Variants in DMRTC2 observed in about 807,000 individuals in gnomAD.
DMRTC2 encodes the protein doublesex- and mab-3-related transcription factor C2.
A neutral mutation model predicts 39.9 loss-of-function variants in DMRTC2; 13 were observed. That is an observed-to-expected ratio of 0.33 (90% CI 0.21 to 0.52). The LOEUF is 0.52. DMRTC2 is among the 20% of genes least tolerant of loss of function. DMRTC2 has a pLI of 0.96. For missense variants in DMRTC2, 431 were observed against 472.8 expected (o/e 0.91, Z 0.82); for synonymous variants, 189 against 185.2 (o/e 1.02, Z -0.17).
intron 1 of DMRTC2, among the ~76,000 whole-genome samples, chr19:41,846,741 G>A (rs2123205047): frequency 6.6e-6 from 1 of 151,666 alleles, no homozygotes; most frequent in African/African-American, 2.4e-5. Flanking sequence ...CTAATTTTTT[G>A]TATTTTTAGT....
intron 4 of DMRTC2, 104 bp from the exon 5 acceptor site, chr19:41,848,691 G>C (rs372522968): frequency 6.4e-7 from 1 of 1,574,148 alleles, no homozygotes; most frequent in African/African-American, 1.3e-5. Flanking sequence ...GAAAACGAGG[G>C]CCTCCCAGCC....
At position 41,847,563 on chromosome 19, in the gene DMRTC2, C is replaced by T. The variant is rs1555836261; in HGVS notation, c.135C>T (p.Cys45=). 9 of 1,614,232 alleles carry T rather than the reference C, an allele frequency of 5.6e-6. No homozygotes were observed. The highest frequency in any genetic ancestry group is 7.6e-6 in the Non-Finnish European group (9 of 1,180,046). The change falls in exon 2 of 9, where the codon TGC becomes TGT. Residue 45 remains cysteine, a synonymous_variant. Coordinates refer to ENST00000269945, the MANE Select transcript of DMRTC2 (RefSeq NM_001040283.3). ...AISRSPTCAR[C]RNHGVTAHLK... ...GCCGCTCTCCAACCTGCGCCCGCTG[C>T]CGCAACCATGGTGTCACCGCCCATC...
chr19:41,852,269 A>C lies in DMRTC2; in HGVS notation c.*573A>C, dbSNP rs1473795623. 6.6e-6 allele frequency: 1 copy of C among 152,222 alleles called. No individual in the cohort carries two copies. The highest frequency in any genetic ancestry group is 1.5e-5 in the Non-Finnish European group (1 of 68,042). The allele number at this position is 152,222 out of a possible 1,614,324, so 9.4% of individuals were successfully genotyped here. A position where few individuals can be genotyped will look rare whatever the true frequency, so the allele number is the denominator to read the frequency against. On this transcript the variant is annotated 3_prime_UTR_variant, in exon 9 of 9. Coordinates refer to ENST00000269945, the MANE Select transcript of DMRTC2 (RefSeq NM_001040283.3). ...AAAAATCTGTTATCCAATAGCTACC[A>C]TAGATGAAAACAAACTTGGATTTTT...
Position 41,845,091 on chromosome 19 carries a change from T to C in DMRTC2, c.-15T>C, listed in dbSNP as rs1555835191. 2.0e-5 allele frequency: 3 copies of C among 152,212 alleles called. No individual in the cohort carries two copies. Among genetic ancestry groups the C allele is most frequent in the African/African-American group, 7.2e-5 (3 of 41,430 alleles). The allele number at this position is 152,212 out of a possible 1,614,324, so 9.4% of individuals were successfully genotyped here. On this transcript the variant is annotated 5_prime_UTR_variant, in exon 1 of 9. Transcript: ENST00000269945. ...TCTTCTTGACTGAATCTGACTCCATTGGAGGCTGTGGTAACCGTGAACTAG... is the reference window on the plus strand; with the variant it reads ...TCTTCTTGACTGAATCTGACTCCATCGGAGGCTGTGGTAACCGTGAACTAG...
In DMRTC2 at chr19:41,849,221, T is replaced by C; in HGVS notation, c.720T>C (p.Ser240=). 1 of 1,614,154 alleles carries C rather than the reference T, an allele frequency of 6.2e-7. No homozygotes were observed. The highest frequency in any genetic ancestry group is 8.5e-7 in the Non-Finnish European group (1 of 1,180,002). Residue 240 remains serine (S), a synonymous_variant, in exon 6 of 9, where the codon TCT becomes TCC. Transcript: ENST00000269945. ...GSHPVLTAPL[S]GEPQGPPSQP... ...ACCCAGTACTGACAGCTCCTCTTTC[T>C]GGAGAGCCCCAAGGGCCCCCTAGCC...
At position 41,849,210 on chromosome 19, in the gene DMRTC2, G is replaced by A. The variant is rs1555836795; in HGVS notation, c.709G>A (p.Ala237Thr). 1 of 1,614,056 alleles carries A rather than the reference G, an allele frequency of 6.2e-7. No homozygotes were observed. The highest frequency in any genetic ancestry group is 1.3e-5 in the African/African-American group (1 of 74,916). The change falls in exon 6 of 9, where the codon GCT becomes ACT. Residue 237 changes from alanine to threonine, a missense_variant. By Grantham distance (58) the Ala-to-Thr change is moderately conservative. Coordinates refer to ENST00000269945, the MANE Select transcript of DMRTC2 (RefSeq NM_001040283.3). Reference sequence around the variant, plus strand: ...CCCAGGATCTCACCCAGTACTGACAGCTCCTCTTTCTGGAGAGCCCCAAGG... The same window carrying A: ...CCCAGGATCTCACCCAGTACTGACAACTCCTCTTTCTGGAGAGCCCCAAGG... ...TCPGSHPVLT[A>T]PLSGEPQGPP...
In DMRTC2 at chr19:41,849,264, G is replaced by A. The variant is rs1232210374; in HGVS notation, c.755+8G>A. The A allele has an allele frequency of 6.2e-7, 1 of 1,613,460 alleles. No homozygotes were observed. Among genetic ancestry groups the A allele is most frequent in the Non-Finnish European group, 8.5e-7 (1 of 1,179,768 alleles). On this transcript the variant is annotated splice_region_variant and intron_variant, in intron 6 of 8. Transcript: ENST00000269945. ...CCCTAGCCAGCCCCGCACGTGAGTA[G>A]GGAGAGAAGGATGTGTATCATAAGC...
At position 41,851,667 on chromosome 19, in the gene DMRTC2, C is replaced by G; in HGVS notation, c.1075C>G (p.Arg359Gly). ...PAPSVALHIG[R>G]LGSISLLS is the part of the protein sequence containing the mutation. Reference sequence around the variant, plus strand: ...CCCCTCTGTTGCTCTGCATATTGGCCGTCTGGGGTCCATCTCCCTCCTGAG... The same window carrying G: ...CCCCTCTGTTGCTCTGCATATTGGCGGTCTGGGGTCCATCTCCCTCCTGAG... Residue 359 changes from arginine to glycine, a missense_variant, in exon 9 of 9, where the codon CGT (arginine) becomes GGT (glycine). Arg to Gly is a moderately radical substitution (Grantham distance 125). Transcript: ENST00000269945. The G allele has an allele frequency of 1.9e-6, 3 of 1,614,140 alleles. No homozygotes were observed. The highest frequency in any genetic ancestry group is 2.5e-6 in the Non-Finnish European group (3 of 1,180,030).
chr19:41,850,723 G>A (rs1311502392), intron 8 of DMRTC2, 23 bp downstream of exon 8: 3 of 1,535,580 alleles, frequency 2.0e-6, no homozygotes, highest in African/African-American at 1.4e-5. Flanking sequence ...AGGAGAGGAT[G>A]GATAGGGATG....
chr19:41,847,496 G>C lies in DMRTC2; in HGVS notation c.68G>C (p.Arg23Thr). 6.2e-7 allele frequency: 1 copy of C among 1,613,210 alleles called. No individual in the cohort carries two copies. Residue 23 changes from arginine to threonine, a missense_variant, in exon 2 of 9, where the codon AGA becomes ACA. Arg to Thr is a moderately conservative substitution (Grantham distance 71). Transcript: ENST00000269945. ...GACTCTGCCCCCTGGGATGAGACCAGAGACCCCCAGAGCACAGAGCTGATC... is the reference window on the plus strand; with the variant it reads ...GACTCTGCCCCCTGGGATGAGACCACAGACCCCCAGAGCACAGAGCTGATC... ...PLDSAPWDET[R>T]DPQSTELIPR...
Position 41,847,852 on chromosome 19 carries a change from G to A in DMRTC2, c.341G>A (p.Arg114Lys). 6.3e-7 allele frequency: 1 copy of A among 1,591,156 alleles called. No homozygotes were observed. The highest frequency in any genetic ancestry group is 8.6e-7 in the Non-Finnish European group (1 of 1,168,280). ...EASPKAPNHFRKGTTQPQVPS... is the reference protein window; with the variant it reads ...EASPKAPNHFKKGTTQPQVPS... ...TCTCCCAAAGCTCCCAACCACTTCA[G>A]AAAGGGAACCACTCAGCCACAGGTC... The change falls in exon 3 of 9, where the codon AGA (arginine) becomes AAA (lysine). Residue 114 changes from arginine (R) to lysine (K), a missense_variant. Coordinates refer to ENST00000269945, the MANE Select transcript of DMRTC2 (RefSeq NM_001040283.3).
At chr19:41,850,737 G>A in intron 8 of DMRTC2, 37 bp downstream of exon 8, 2 of 1,520,546 alleles carry the variant, frequency 1.3e-6, no homozygotes, top group Non-Finnish European at 1.8e-6. Flanking sequence ...AGGGATGGCT[G>A]GGAAATGGAG....
chr19:41,850,840 C>T, intron 8 of DMRTC2, 140 bp downstream of exon 8: 1 of 840,742 alleles, frequency 1.2e-6, no homozygotes, highest in Non-Finnish European at 1.7e-6. Context: ...TCAGCCTGGC[C>T]CCTGGGATTG....
At chr19:41,848,742 A>G in intron 4 of DMRTC2, 53 bp from the exon 5 acceptor site, 1 of 1,606,354 alleles carries the variant, frequency 6.2e-7, no homozygotes, top group Non-Finnish European at 8.5e-7. Flanking sequence ...GAATACACTC[A>G]ATCCTTTTCC....
Position 41,850,511 on chromosome 19 carries a change from C to G in DMRTC2, c.817-15C>G, listed in dbSNP as rs368754363. 54 of 1,604,356 alleles carry G rather than the reference C, an allele frequency of 3.4e-5. No individual in the cohort carries two copies. The highest frequency in any genetic ancestry group is 4.5e-5 in the Non-Finnish European group (53 of 1,175,254). ...GCGGGGGTTCCCAGTCTGCTTGTCTCCCTTTCCCTTGCAGGCCTCTGGAGC... is the reference window on the plus strand; with the variant it reads ...GCGGGGGTTCCCAGTCTGCTTGTCTGCCTTTCCCTTGCAGGCCTCTGGAGC... On this transcript the variant is annotated splice_polypyrimidine_tract_variant and intron_variant, in intron 7 of 8. Coordinates refer to ENST00000269945, the MANE Select transcript of DMRTC2 (RefSeq NM_001040283.3).
chr19:41,850,879 T>C (rs1166954932), intron 8 of DMRTC2, 179 bp downstream of exon 8: 4 of 584,148 alleles, frequency 6.8e-6, no homozygotes, highest in Non-Finnish European at 1.1e-5. Context: ...TGAATCCTTT[T>C]TATCAGTTTG....
At chr19:41,847,372 G>A (rs2073879924) in intron 1 of DMRTC2, 53 bp from the exon 2 acceptor site, 1 of 1,504,716 alleles carries the variant, frequency 6.6e-7, no homozygotes, top group Admixed American at 2.3e-5. Flanking sequence ...GGGCAGGAGG[G>A]TTGTTAGGGG....
At chr19:41,849,090 C>T (rs1555836750) in intron 5 of DMRTC2, 40 bp from the exon 6 acceptor site, 3 of 1,613,394 alleles carry the variant, frequency 1.9e-6, no homozygotes, top group Non-Finnish European at 1.7e-6. Flanking sequence ...AAACTATGAC[C>T]TTGGCCCCTA....
chr19:41,849,316 G>A, intron 6 of DMRTC2, 60 bp downstream of exon 6: 1 of 1,584,840 alleles, frequency 6.3e-7, no homozygotes, highest in East Asian at 2.2e-5. Context: ...TCCAACCACA[G>A]TGCTGGTGTC....
Sources: gnomAD v4.1 joint callset for allele counts (sites outside exome capture counted in the v4.1 genomes callset) on GRCh38, gnomAD v4.1.1 for gene constraint, MANE v1.5 for transcripts, NCBI Gene and HGNC (gene_info 2026-07-23, HGNC 2026-07-21) for gene names.